CHD7: variants seen among roughly 807,000 people sequenced by gnomAD.
The protein encoded by CHD7 is chromodomain helicase DNA binding protein 7.
CHD7 carries 24 observed loss-of-function variants against 307.3 expected under a neutral mutation model. The observed-to-expected ratio is 0.08, with a 90% CI of 0.06 to 0.11. The LOEUF (loss-of-function observed/expected upper bound fraction) is 0.11. Ranked by LOEUF, CHD7 falls within the 10% of genes least tolerant of loss-of-function variation. CHD7 has a pLI of 1.00. For missense variants in CHD7, 3,106 were observed against 3,727.1 expected (o/e 0.83, Z 4.34); for synonymous variants, 1,363 against 1,349.9 (o/e 1.01, Z -0.21).
intron 3 of CHD7, among the ~76,000 whole-genome samples, chr8:60,793,992 CATCCCTGTA>C (rs1811894878): frequency 6.6e-6 from 1 of 152,108 alleles, no homozygotes; most frequent in Non-Finnish European, 1.5e-5. Context: ...CATGGTGGTG[CATCCCTGTA>C]ATCCCAGCCA....
At chr8:60,761,963 GT>G (rs1478853981) in intron 2 of CHD7, among the ~76,000 whole-genome samples, 2 of 152,120 alleles carry the variant, frequency 1.3e-5, no homozygotes, top group African/African-American at 4.8e-5. Flanking sequence ...AGATGCTGAG[GT>G]TCTGGTTGGG....
At chr8:60,706,818 A>T (rs1374588164) in intron 1 of CHD7, among the ~76,000 whole-genome samples, 1 of 151,974 alleles carries the variant, frequency 6.6e-6, no homozygotes, top group East Asian at 1.9e-4. Flanking sequence ...ATCTTTTTAA[A>T]ATATATATAT....
intron 2 of CHD7, among the ~76,000 whole-genome samples, chr8:60,770,577 C>A (rs1810660500): frequency 6.6e-6 from 1 of 152,228 alleles, no homozygotes; most frequent in Non-Finnish European, 1.5e-5. Context: ...AGCAAACTTT[C>A]TTTCCAAGTA....
intron 34 of CHD7, among the ~76,000 whole-genome samples, chr8:60,860,434 T>C (rs1006222583): frequency 1.3e-5 from 2 of 152,196 alleles, no homozygotes; most frequent in African/African-American, 4.8e-5. Flanking sequence ...CGTCTTCTTC[T>C]TTTTATTTTT....
chr8:60,760,515 C>T (rs1327063120), intron 2 of CHD7, among the ~76,000 whole-genome samples: 1 of 142,010 alleles, frequency 7.0e-6, no homozygotes, highest in Admixed American at 7.2e-5. Context: ...AACTAAAGAG[C>T]TTCTGCACAG....
chr8:60,707,422 T>C (rs967101886), intron 1 of CHD7, among the ~76,000 whole-genome samples: 1 of 152,232 alleles, frequency 6.6e-6, no homozygotes, highest in African/African-American at 2.4e-5. Flanking sequence ...ATTTACTGTC[T>C]GACCTAGTTC....
At chr8:60,777,145 A>G (rs908090287) in intron 2 of CHD7, among the ~76,000 whole-genome samples, 13 of 152,176 alleles carry the variant, frequency 8.5e-5, no homozygotes, top group African/African-American at 2.9e-4. Flanking sequence ...GTACCATGTT[A>G]TTCTGGTCCG....
At chr8:60,695,435 C>T (rs1222587788) in intron 1 of CHD7, among the ~76,000 whole-genome samples, 5 of 152,112 alleles carry the variant, frequency 3.3e-5, no homozygotes, top group Non-Finnish European at 7.4e-5. Context: ...CTTTCAGAAT[C>T]AAAATAGCAC....
At position 60,696,843 on chromosome 8, in the gene CHD7, GT is replaced by G. The variant is rs577163954; in HGVS notation, c.-175+17773del. ...GAAACAATACTTTCAAATTTTGCATGTTTTTTTTTTTTCTTTTCTAGATTGC... is the reference window on the plus strand; with the variant it reads ...GAAACAATACTTTCAAATTTTGCATGTTTTTTTTTTTCTTTTCTAGATTGC... On this transcript the variant is annotated intron_variant, in intron 1 of 37. Coordinates refer to ENST00000423902, the MANE Select transcript of CHD7 (RefSeq NM_017780.4). Among the ~76,000 whole-genome samples the G allele has an allele frequency of 8.9e-3, 1,231 of 137,972 alleles. 13 individuals carry two copies. The highest frequency in any genetic ancestry group is 0.026 in the African/African-American group (966 of 37,806). 90.5% of individuals were successfully genotyped at this position (137,972 alleles called of 152,430 possible). A position where few individuals can be genotyped will look rare whatever the true frequency, so the allele number is the denominator to read the frequency against.
chr8:60,719,383 G>C (rs1807783748), intron 1 of CHD7, among the ~76,000 whole-genome samples: 2 of 152,196 alleles, frequency 1.3e-5, no homozygotes. Context: ...GATTTAGATA[G>C]ATAGATTGAT....
intron 3 of CHD7, among the ~76,000 whole-genome samples, chr8:60,792,017 G>T (rs1375481568): frequency 6.6e-6 from 1 of 152,148 alleles, no homozygotes; most frequent in African/African-American, 2.4e-5. Flanking sequence ...TTAACTATCT[G>T]TGCCATTTTC....
intron 1 of CHD7, among the ~76,000 whole-genome samples, chr8:60,691,573 G>A (rs1806197378): frequency 6.6e-6 from 1 of 152,216 alleles, no homozygotes; most frequent in East Asian, 1.9e-4. Context: ...TAAAGTCGTA[G>A]TTGGTACTTG....
At chr8:60,814,392 T>TAAAA (rs1803630764) in intron 7 of CHD7, among the ~76,000 whole-genome samples, 1 of 152,238 alleles carries the variant, frequency 6.6e-6, no homozygotes, top group African/African-American at 2.4e-5. Flanking sequence ...TGCCTTTTTC[T>TAAAA]GTCAAATAAT....
intron 14 of CHD7, 117 bp downstream of exon 14, chr8:60,828,923 A>G: frequency 1.1e-6 from 1 of 877,696 alleles, no homozygotes; most frequent in Non-Finnish European, 1.7e-6. Context: ...CACCTAGTAC[A>G]CAGAACCTTA....
chr8:60,681,480 G>A (rs1805624843), intron 1 of CHD7, among the ~76,000 whole-genome samples: 1 of 152,166 alleles, frequency 6.6e-6, no homozygotes, highest in South Asian at 2.1e-4. Context: ...GCCTTTCTAG[G>A]TGATAAGTAG....
chr8:60,795,134 C>G lies in CHD7; in HGVS notation c.2238+7C>G. 1 of 1,609,102 alleles carries G rather than the reference C, an allele frequency of 6.2e-7. No individual in the cohort carries two copies. The highest frequency in any genetic ancestry group is 1.1e-5 in the South Asian group (1 of 89,760). ...TGAGGACCCAGGTGTTCAGGTAATA[C>G]AATTATTGTGATTCCCGAGCCTTGG... is the stretch of plus-strand genomic sequence containing the variant. On this transcript the variant is annotated splice_region_variant and intron_variant, in intron 4 of 37. Transcript: ENST00000423902.
At position 60,853,061 on chromosome 8, in the gene CHD7, G is replaced by T; in HGVS notation, c.6336G>T (p.Thr2112=). The change falls in exon 31 of 38, where the codon ACG becomes ACT. Residue 2112 remains threonine (T), a synonymous_variant. Coordinates refer to ENST00000423902, the MANE Select transcript of CHD7 (RefSeq NM_017780.4). ...CTGCTAAACACGGGGTCAGTCGGAC[G>T]GATTATCACATCCTCAATGACCCTG... The part of the protein sequence containing the change: ...VGAAKHGVSR[T]DYHILNDPEL... 1 of 1,613,882 alleles carries T rather than the reference G, an allele frequency of 6.2e-7. No homozygotes were observed.
intron 3 of CHD7, among the ~76,000 whole-genome samples, chr8:60,784,186 G>T (rs1417013304): frequency 6.6e-6 from 1 of 152,210 alleles, no homozygotes; most frequent in Non-Finnish European, 1.5e-5. Context: ...TTTGGGTTAT[G>T]TTAGTACTGG....
intron 7 of CHD7, among the ~76,000 whole-genome samples, chr8:60,811,866 T>G (rs1344127603): frequency 6.6e-6 from 1 of 152,212 alleles, no homozygotes; most frequent in Non-Finnish European, 1.5e-5. Flanking sequence ...TTTTTAATTT[T>G]TGTAAGAAAT....
Sources: allele counts gnomAD v4.1 joint callset (sites outside exome capture counted in the v4.1 genomes callset), GRCh38; gene constraint gnomAD v4.1.1; transcripts MANE v1.5; gene names NCBI Gene and HGNC (gene_info 2026-07-23, HGNC 2026-07-21).